Variants in CHSY3 observed in about 807,000 individuals in gnomAD.
The protein encoded by CHSY3 is chondroitin sulfate synthase 3.
In CHSY3, 35 loss-of-function variants were observed where a neutral mutation model predicts 67.2. That is an observed-to-expected ratio of 0.52 (90% CI 0.40 to 0.69). The LOEUF (loss-of-function observed/expected upper bound fraction) is 0.69. Among genes scored for constraint, CHSY3 ranks in the 30% least tolerant of loss-of-function variants. The pLI, the probability that CHSY3 is intolerant of heterozygous loss-of-function variation, is 0.00. For synonymous variants in CHSY3, 474 were observed against 434.7 expected (o/e 1.09, Z -1.12); for missense variants, 1,069 against 1,138.5 (o/e 0.94, Z 0.88).
chr5:130,018,210 CA>C (rs199885351), intron 2 of CHSY3, among the ~76,000 whole-genome samples: 2,963 of 151,900 alleles, frequency 0.02, 109 homozygotes, highest in African/African-American at 0.068. Context: ...TTATTTTTTA[CA>C]AAAAAAGTCC....
At chr5:130,143,820 A>ATGTGTG (rs1561557399) in intron 2 of CHSY3, among the ~76,000 whole-genome samples, 8 of 124,154 alleles carry the variant, frequency 6.4e-5, no homozygotes, top group African/African-American at 2.4e-4. Flanking sequence ...GTATATATAT[A>ATGTGTG]TATATATATA....
At chr5:129,952,127 G>C (rs1303503199) in intron 2 of CHSY3, among the ~76,000 whole-genome samples, 3 of 152,146 alleles carry the variant, frequency 2.0e-5, no homozygotes, top group African/African-American at 7.2e-5. Context: ...AGGTTTTAAG[G>C]CAGTCAAGAG....
chr5:130,006,519 T>C (rs1763881157), intron 2 of CHSY3, among the ~76,000 whole-genome samples: 1 of 152,196 alleles, frequency 6.6e-6, no homozygotes, highest in African/African-American at 2.4e-5. Context: ...GAGTTTATGC[T>C]ACATATTTTG....
At chr5:130,044,949 G>A (rs2431194) in intron 2 of CHSY3, among the ~76,000 whole-genome samples, 81,607 of 151,928 alleles carry the variant, frequency 0.54, 22,327 homozygotes, top group East Asian at 0.67. Context: ...AAAAATGGCG[G>A]CTAGCATACT....
chr5:130,117,762 G>A (rs1201230272), intron 2 of CHSY3, among the ~76,000 whole-genome samples: 1 of 152,158 alleles, frequency 6.6e-6, no homozygotes. Context: ...TCATAAATCT[G>A]TTAAATATTG....
At chr5:130,114,328 G>A (rs1767705718) in intron 2 of CHSY3, 2 of 152,116 alleles carry the variant, frequency 1.3e-5, no homozygotes, top group African/African-American at 2.4e-5. Flanking sequence ...TACAGTGAAA[G>A]CCTTTTGGAT....
chr5:130,083,499 C>G (rs770073601), intron 2 of CHSY3, among the ~76,000 whole-genome samples: 3 of 151,978 alleles, frequency 2.0e-5, no homozygotes, highest in Non-Finnish European at 4.4e-5. Flanking sequence ...ATTTTATAAG[C>G]AGGCTTCATT....
At chr5:129,985,029 G>T (rs193276943) in intron 2 of CHSY3, among the ~76,000 whole-genome samples, 70 of 152,168 alleles carry the variant, frequency 4.6e-4, no homozygotes, top group African/African-American at 1.6e-3. Context: ...AGTTTAATTA[G>T]GTCCCACTTG....
At chr5:130,157,809 A>T (rs1303383165) in intron 2 of CHSY3, among the ~76,000 whole-genome samples, 1 of 152,244 alleles carries the variant, frequency 6.6e-6, no homozygotes, top group African/African-American at 2.4e-5. Context: ...TTATTTCTTG[A>T]CTATATGCTA....
intron 2 of CHSY3, among the ~76,000 whole-genome samples, chr5:130,175,036 G>C (rs1561570493): frequency 6.6e-6 from 1 of 152,074 alleles, no homozygotes; most frequent in Non-Finnish European, 1.5e-5. Context: ...TCTCTCCGTA[G>C]GTCTCTAAGA....
chr5:130,108,344 A>G (rs955057149), intron 2 of CHSY3, among the ~76,000 whole-genome samples: 12 of 151,604 alleles, frequency 7.9e-5, no homozygotes, highest in African/African-American at 2.9e-4. Flanking sequence ...TTAGTGTTTT[A>G]TATTTTTATA....
chr5:130,026,279 T>G (rs1218507324), intron 2 of CHSY3, among the ~76,000 whole-genome samples: 1 of 152,072 alleles, frequency 6.6e-6, no homozygotes, highest in East Asian at 1.9e-4. Context: ...TAATTACCAA[T>G]CCAACATTTT....
intron 2 of CHSY3, among the ~76,000 whole-genome samples, chr5:130,112,363 A>T (rs1477070026): frequency 6.6e-6 from 1 of 152,032 alleles, no homozygotes; most frequent in Non-Finnish European, 1.5e-5. Flanking sequence ...CTCAGCTGGG[A>T]ACTTGTTAGA....
At chr5:130,090,362 C>T (rs1041437799) in intron 2 of CHSY3, among the ~76,000 whole-genome samples, 12 of 152,120 alleles carry the variant, frequency 7.9e-5, no homozygotes, top group South Asian at 2.1e-4. Context: ...GCTGAAGACC[C>T]CTCTAGTGGG....
chr5:129,969,905 G>A (rs1270126890), intron 2 of CHSY3, among the ~76,000 whole-genome samples: 3 of 151,816 alleles, frequency 2.0e-5, no homozygotes, highest in Non-Finnish European at 4.4e-5. Flanking sequence ...TACTAGTGAA[G>A]CATTATGAAC....
chr5:130,142,507 T>C (rs933646488), intron 2 of CHSY3, among the ~76,000 whole-genome samples: 1 of 152,342 alleles, frequency 6.6e-6, no homozygotes, highest in Non-Finnish European at 1.5e-5. Context: ...AATTTGATTA[T>C]GTTTTAGGAA....
At chr5:130,164,863 T>C (rs1245110295) in intron 2 of CHSY3, among the ~76,000 whole-genome samples, 1 of 152,162 alleles carries the variant, frequency 6.6e-6, no homozygotes, top group Non-Finnish European at 1.5e-5. Context: ...ATACCAGTCC[T>C]GATTTAGTCA....
chr5:129,915,530 T>C (rs760500354), intron 2 of CHSY3, among the ~76,000 whole-genome samples: 2 of 152,224 alleles, frequency 1.3e-5, no homozygotes, highest in Non-Finnish European at 2.9e-5. Flanking sequence ...ATGCATTTAT[T>C]AATTTTTTGA....
Position 130,185,508 on chromosome 5 carries a change from ATCT to A in CHSY3, c.2370_2372del (p.Leu791del). The A allele has an allele frequency of 1.2e-6, 2 of 1,614,160 alleles. No individual in the cohort carries two copies. Among genetic ancestry groups the A allele is most frequent in the South Asian group, 1.1e-5 (1 of 91,084 alleles). ...GGCATCACCTGTATTTACAAAAGTG[ATCT>A]TCTAGGTGCAGGTGGATTTGATACC... is the stretch of plus-strand genomic sequence containing the variant. On this transcript the variant is annotated inframe_deletion, in exon 3 of 3. Transcript: ENST00000305031.
Sources: gnomAD v4.1 joint callset for allele counts (sites outside exome capture counted in the v4.1 genomes callset) on GRCh38, gnomAD v4.1.1 for gene constraint, MANE v1.5 for transcripts, NCBI Gene and HGNC (gene_info 2026-07-23, HGNC 2026-07-21) for gene names.